Variants in RAD54L2 observed in about 807,000 individuals in gnomAD.
RAD54L2 encodes the protein helicase ARIP4.
Under a neutral mutation model 138.4 loss-of-function variants are expected in RAD54L2, and 27 were observed. The ratio of observed to expected loss-of-function variants is 0.20; its 90% CI spans 0.14 to 0.27. The LOEUF is 0.27. Among genes scored for constraint, RAD54L2 ranks in the 10% least tolerant of loss-of-function variants. The probability of loss-of-function intolerance (pLI) is 1.00; values close to 1 mark genes in which losing one functional copy is unlikely to be tolerated. For synonymous variants in RAD54L2, 644 were observed against 723.2 expected (o/e 0.89, Z 1.76); for missense variants, 1,396 against 1,890.2 (o/e 0.74, Z 4.85).
At chr3:51,584,443 G>A (rs1214018735) in intron 2 of RAD54L2, among the ~76,000 whole-genome samples, 2 of 152,070 alleles carry the variant, frequency 1.3e-5, no homozygotes, top group Non-Finnish European at 2.9e-5. Flanking sequence ...GTAACTGATA[G>A]ACACTCAAAA....
intron 3 of RAD54L2, among the ~76,000 whole-genome samples, chr3:51,599,178 A>T (rs1254878667): frequency 1.3e-5 from 2 of 152,318 alleles, no homozygotes; most frequent in Middle Eastern, 3.4e-3. Flanking sequence ...ATCTCCACAC[A>T]TTTGGTCACT....
At chr3:51,569,400 T>C (rs957653259) in intron 2 of RAD54L2, among the ~76,000 whole-genome samples, 1 of 152,042 alleles carries the variant, frequency 6.6e-6, no homozygotes, top group East Asian at 1.9e-4. Flanking sequence ...TTTTTTTTTT[T>C]CTAGACGGAG....
At chr3:51,566,823 C>T (rs1436952254) in intron 2 of RAD54L2, among the ~76,000 whole-genome samples, 1 of 152,044 alleles carries the variant, frequency 6.6e-6, no homozygotes, top group African/African-American at 2.4e-5. Context: ...TGCCTAGGAC[C>T]ACTTTAGTTT....
In RAD54L2 at chr3:51,646,407, C is replaced by A. The variant is rs542280572; in HGVS notation, c.2952C>A (p.Arg984=). 1.2e-6 allele frequency: 2 copies of A among 1,613,904 alleles called. No homozygotes were observed. The highest frequency in any genetic ancestry group is 4.5e-5 in the East Asian group (2 of 44,874). ...EDKRTSVPYT[R]PSYAQYYPAS... is the part of the protein sequence containing the mutation. The stretch of plus-strand genomic sequence containing the variant: ...AACGCACATCAGTCCCCTATACCCG[C>A]CCATCGTATGCGCAGTATTACCCTG... The change falls in exon 19 of 23, where the codon CGC becomes CGA. Residue 984 remains arginine (R), a synonymous_variant. Transcript: ENST00000684192.
chr3:51,654,789 C>T (rs1701554649), intron 19 of RAD54L2, among the ~76,000 whole-genome samples: 1 of 152,138 alleles, frequency 6.6e-6, no homozygotes, highest in Admixed American at 6.6e-5. Context: ...TAGCTCTGGC[C>T]CTGTGGGGGC....
intron 15 of RAD54L2, 124 bp from the exon 16 acceptor site, chr3:51,643,751 G>T: frequency 1.3e-6 from 1 of 756,710 alleles, no homozygotes; most frequent in Non-Finnish European, 2.3e-6. Flanking sequence ...TACGTCCAAG[G>T]GGTGAGATCT....
At chr3:51,560,066 G>C (rs1699062608) in intron 2 of RAD54L2, among the ~76,000 whole-genome samples, 1 of 150,818 alleles carries the variant, frequency 6.6e-6, no homozygotes, top group African/African-American at 2.5e-5. Context: ...GAAACTAAGT[G>C]ATTTGCTCCA....
intron 1 of RAD54L2, among the ~76,000 whole-genome samples, chr3:51,540,808 T>C (rs191075043): frequency 1.3e-5 from 2 of 152,268 alleles, no homozygotes; most frequent in Admixed American, 1.3e-4. Flanking sequence ...TCCCAACACT[T>C]TGGGAGGTCG....
At chr3:51,658,439 A>T (rs190140298) in intron 21 of RAD54L2, among the ~76,000 whole-genome samples, 1 of 152,334 alleles carries the variant, frequency 6.6e-6, no homozygotes, top group East Asian at 1.9e-4. Flanking sequence ...ATGGTAATTT[A>T]AAAAGTCCAC....
At chr3:51,658,406 G>A (rs1699193167) in intron 21 of RAD54L2, among the ~76,000 whole-genome samples, 1 of 152,150 alleles carries the variant, frequency 6.6e-6, no homozygotes, top group Non-Finnish European at 1.5e-5. Context: ...TTACACATGG[G>A]TTGCATGATA....
At chr3:51,569,037 A>G (rs961587098) in intron 2 of RAD54L2, among the ~76,000 whole-genome samples, 16 of 152,158 alleles carry the variant, frequency 1.1e-4, no homozygotes, top group African/African-American at 2.9e-4. Flanking sequence ...GTAGGTAGAG[A>G]CAGAGAAGTT....
chr3:51,576,914 C>G (rs1253310918), intron 2 of RAD54L2, among the ~76,000 whole-genome samples: 1 of 152,046 alleles, frequency 6.6e-6, no homozygotes, highest in Non-Finnish European at 1.5e-5. Flanking sequence ...TCTTCCTTCT[C>G]TAGTTCTTTT....
chr3:51,589,531 C>T (rs11928276), intron 2 of RAD54L2, among the ~76,000 whole-genome samples: 25,024 of 152,162 alleles, frequency 0.16, 2,433 homozygotes, highest in South Asian at 0.33. Flanking sequence ...TGCTGTTACT[C>T]AGCATTGCCA....
At position 51,638,523 on chromosome 3, in the gene RAD54L2, C is replaced by G; in HGVS notation, c.1860+202C>G. ...ATAACTCCTGGGGGTGCCATTCACA[C>G]AGTGTAATATAACTGATGCCCCCTG... On this transcript the variant is annotated intron_variant, in intron 12 of 22. Coordinates refer to ENST00000684192, the MANE Select transcript of RAD54L2 (RefSeq NM_015106.4). The surrounding 1 kb of genome is among the most constrained non-coding windows in gnomAD (Gnocchi z 4.3). 1 of 600,284 alleles carries G rather than the reference C, an allele frequency of 1.7e-6. No individual in the cohort carries two copies. Among genetic ancestry groups the G allele is most frequent in the Non-Finnish European group, 2.9e-6 (1 of 345,040 alleles). 37.2% of individuals were successfully genotyped at this position (600,284 alleles called of 1,614,324 possible). A position where few individuals can be genotyped will look rare whatever the true frequency, so the allele number is the denominator to read the frequency against.
At chr3:51,648,592 A>T (rs1251141293) in intron 19 of RAD54L2, among the ~76,000 whole-genome samples, 1 of 152,152 alleles carries the variant, frequency 6.6e-6, no homozygotes, top group African/African-American at 2.4e-5. Flanking sequence ...TCTGAGACGA[A>T]GCTTCCAGAG....
At chr3:51,596,810 A>G (rs1699970470) in intron 3 of RAD54L2, among the ~76,000 whole-genome samples, 1 of 152,182 alleles carries the variant, frequency 6.6e-6, no homozygotes, top group South Asian at 2.1e-4. Flanking sequence ...CTGAGAACAC[A>G]CTGCTCATCC....
At chr3:51,569,981 C>T (rs190384492) in intron 2 of RAD54L2, among the ~76,000 whole-genome samples, 119 of 151,786 alleles carry the variant, frequency 7.8e-4, no homozygotes, top group African/African-American at 2.7e-3. Context: ...TACGGACGTG[C>T]ACCACTATGC....
Position 51,663,663 on chromosome 3 carries a change from G to T in RAD54L2, c.*243G>T. ...GCGGGAAATCAGGGACCCAAAACAG[G>T]GATGGAGGGGCAGTGCAGCCTCTTT... On this transcript the variant is annotated 3_prime_UTR_variant, in exon 23 of 23. Coordinates refer to ENST00000684192, the MANE Select transcript of RAD54L2 (RefSeq NM_015106.4). 1 of 494,714 alleles carries T rather than the reference G, an allele frequency of 2.0e-6. No homozygotes were observed. 30.6% of individuals were successfully genotyped at this position (494,714 alleles called of 1,614,324 possible).
chr3:51,590,910 C>T (rs1699825277), intron 3 of RAD54L2, among the ~76,000 whole-genome samples: 1 of 152,164 alleles, frequency 6.6e-6, no homozygotes, highest in Non-Finnish European at 1.5e-5. Context: ...GCCATGGGCT[C>T]TTCAGGTAGA....
Sources: allele counts gnomAD v4.1 joint callset (sites outside exome capture counted in the v4.1 genomes callset), GRCh38; gene constraint gnomAD v4.1.1; non-coding constraint Gnocchi (gnomAD v3.1); transcripts MANE v1.5; gene names NCBI Gene and HGNC (gene_info 2026-07-23, HGNC 2026-07-21).